The following HNF4A variants were observed in gnomAD, a reference collection of about 807,000 sequenced individuals.
HNF4A encodes hepatocyte nuclear factor 4-alpha.
A neutral mutation model predicts 52.4 loss-of-function variants in HNF4A; 15 were observed. The ratio of observed to expected loss-of-function variants is 0.29; its 90% CI spans 0.19 to 0.44. HNF4A has a LOEUF of 0.44. HNF4A is among the 20% of genes least tolerant of loss of function. The pLI, the probability that HNF4A is intolerant of heterozygous loss-of-function variation, is 1.00. For missense variants in HNF4A, 479 were observed against 647.2 expected (o/e 0.74, Z 2.82); for synonymous variants, 280 against 264.4 (o/e 1.06, Z -0.57).
chr20:44,374,166 G>T (rs1223913270), intron 1 of HNF4A, among the ~76,000 whole-genome samples: 1 of 152,076 alleles, frequency 6.6e-6, no homozygotes, highest in Non-Finnish European at 1.5e-5. Flanking sequence ...AGCGTCTATT[G>T]TTCCTCTCTT....
chr20:44,418,372 G>A (rs1234634021), intron 5 of HNF4A, 53 bp from the exon 6 acceptor site: 23 of 1,475,550 alleles, frequency 1.6e-5, no homozygotes, highest in African/African-American at 1.1e-4. Context: ...AGTTGGCTAC[G>A]GGCAGCCTTC....
chr20:44,419,526 C>T (rs928584332), intron 6 of HNF4A, among the ~76,000 whole-genome samples, 195 bp from the exon 7 acceptor site: 2 of 152,212 alleles, frequency 1.3e-5, no homozygotes, highest in African/African-American at 4.8e-5. Context: ...AAGTTCCAAG[C>T]TCAGCCGGAT....
chr20:44,362,418 TA>T (rs36103037), intron 1 of HNF4A, among the ~76,000 whole-genome samples: 6,437 of 104,136 alleles, frequency 0.062, 343 homozygotes, highest in Admixed American at 0.18. Flanking sequence ...AAACTTGTCT[TA>T]AAAAAAAAAA....
chr20:44,422,356 CG>C (rs1312659638), intron 7 of HNF4A, among the ~76,000 whole-genome samples: 2 of 152,080 alleles, frequency 1.3e-5, no homozygotes, highest in African/African-American at 4.8e-5. Flanking sequence ...TTTGAAGGGG[CG>C]GGGGACCTAG....
intron 7 of HNF4A, 52 bp downstream of exon 7, chr20:44,419,928 G>A: frequency 6.4e-7 from 1 of 1,572,646 alleles, no homozygotes; most frequent in Non-Finnish European, 8.8e-7. Flanking sequence ...AGAACGCTCT[G>A]CCAGACTTCT....
At chr20:44,380,037 C>T (rs1318294032) in intron 1 of HNF4A, among the ~76,000 whole-genome samples, 1 of 150,530 alleles carries the variant, frequency 6.6e-6, no homozygotes, top group Non-Finnish European at 1.5e-5. Context: ...TGGCCCACAC[C>T]CAGATAATTT....
chr20:44,427,365 A>G (rs1434422788), intron 8 of HNF4A, among the ~76,000 whole-genome samples: 1 of 152,250 alleles, frequency 6.6e-6, no homozygotes, highest in Non-Finnish European at 1.5e-5. Flanking sequence ...GAATGGGCTA[A>G]TAATAGTATC....
intron 3 of HNF4A, among the ~76,000 whole-genome samples, chr20:44,411,646 C>G (rs1361480887): frequency 1.3e-5 from 2 of 152,150 alleles, no homozygotes; most frequent in Non-Finnish European, 2.9e-5. Flanking sequence ...TCCACTGACT[C>G]CCGGGCTCAA....
intron 1 of HNF4A, among the ~76,000 whole-genome samples, chr20:44,404,815 G>GTGTGTATGTAA (rs1568720093): frequency 2.0e-3 from 1 of 510 alleles, no homozygotes; most frequent in African/African-American, 5.2e-3. Flanking sequence ...TGGACTGTGT[G>GTGTGTATGTAA]GTGTGTGTGA....
At chr20:44,418,594 G>C in intron 6 of HNF4A, 82 bp downstream of exon 6, 1 of 1,066,754 alleles carries the variant, frequency 9.4e-7, no homozygotes, top group Non-Finnish European at 1.4e-6. Flanking sequence ...AGATTCACAT[G>C]GTGGCATGCA....
At chr20:44,419,532 C>T (rs778511916) in intron 6 of HNF4A, among the ~76,000 whole-genome samples, 189 bp from the exon 7 acceptor site, 3 of 152,182 alleles carry the variant, frequency 2.0e-5, no homozygotes, top group Non-Finnish European at 2.9e-5. Context: ...CAAGCTCAGC[C>T]GGATGACTCA....
At chr20:44,355,722 C>G (rs879092890) in exon 1 of HNF4A, 5 of 1,259,920 alleles carry the variant, frequency 4.0e-6, no homozygotes, top group Middle Eastern at 2.2e-4. Context: ...TCCTGGTGGA[C>G]GGGCTCCTGG....
intron 8 of HNF4A, among the ~76,000 whole-genome samples, chr20:44,426,780 G>A (rs867073823): frequency 3.9e-5 from 6 of 152,144 alleles, no homozygotes; most frequent in Admixed American, 6.6e-5. Flanking sequence ...GCACTCCAGC[G>A]TGGGCGACAG....
chr20:44,370,792 C>G (rs752030713), intron 1 of HNF4A, among the ~76,000 whole-genome samples: 15 of 152,182 alleles, frequency 9.9e-5, no homozygotes, highest in Non-Finnish European at 2.2e-4. Flanking sequence ...AGGGAGGAAA[C>G]GGCAGCCTCT....
intron 5 of HNF4A, among the ~76,000 whole-genome samples, chr20:44,415,606 C>T (rs559252556): frequency 6.6e-6 from 1 of 152,200 alleles, no homozygotes; most frequent in Non-Finnish European, 1.5e-5. Flanking sequence ...TTCGCTTACC[C>T]GTTTCGCACC....
chr20:44,393,155 C>T (rs2063320568), intron 1 of HNF4A, among the ~76,000 whole-genome samples: 1 of 152,208 alleles, frequency 6.6e-6, no homozygotes, highest in African/African-American at 2.4e-5. Flanking sequence ...TCCCATCAGC[C>T]TTCAGGCCCC....
chr20:44,410,084 C>A (rs1180574417), intron 3 of HNF4A, among the ~76,000 whole-genome samples: 1 of 152,212 alleles, frequency 6.6e-6, no homozygotes, highest in African/African-American at 2.4e-5. Flanking sequence ...TGATCCGCCT[C>A]GGCCTCCCAA....
rs759945755 is a variant in HNF4A at position 44,368,023 on chromosome 20, C to T, written c.49+12170C>T. Among the ~76,000 whole-genome samples, 186 of 148,292 alleles carry T rather than the reference C, an allele frequency of 1.3e-3. 1 individual carries two copies. Among genetic ancestry groups the T allele is most frequent in the Non-Finnish European group, 2.3e-3 (154 of 67,356 alleles). ...CCTTCACGCAGTTGTCCAGGGTCCCCAACTCCTTCCTCCCTAGATGGAAGA... is the reference window on the plus strand; with the variant it reads ...CCTTCACGCAGTTGTCCAGGGTCCCTAACTCCTTCCTCCCTAGATGGAAGA... On this transcript the variant is annotated intron_variant, in intron 1 of 9. Coordinates refer to the HNF4A transcript ENST00000316673.
chr20:44,395,382 C>T (rs573226539), intron 1 of HNF4A: 1 of 152,486 alleles, frequency 6.6e-6, no homozygotes, highest in South Asian at 2.1e-4. Context: ...CCACAGTGGC[C>T]TTTGCCGAGT....
Sources: gnomAD v4.1 joint callset for allele counts (sites outside exome capture counted in the v4.1 genomes callset) on GRCh38, gnomAD v4.1.1 for gene constraint, MANE v1.5 for transcripts, NCBI Gene and HGNC (gene_info 2026-07-23, HGNC 2026-07-21) for gene names.